The following DLG2 variants were observed in gnomAD, a reference collection of about 807,000 sequenced individuals.
DLG2 encodes the protein disks large homolog 2.
DLG2 carries 45 observed loss-of-function variants against 132.5 expected under a neutral mutation model. That is an observed-to-expected ratio of 0.34 (90% confidence interval 0.27 to 0.44). The LOEUF is 0.44. Among genes scored for constraint, DLG2 ranks in the 20% least tolerant of loss-of-function variants. DLG2 has a pLI of 1.00. For synonymous variants in DLG2, 424 were observed against 419.6 expected, an observed-to-expected ratio of 1.01 and a Z score of -0.13; for missense variants, 1,045 against 1,196.9, an observed-to-expected ratio of 0.87 and a Z score of 1.87.
intron 3 of DLG2, among the ~76,000 whole-genome samples, chr11:85,498,081 A>C (rs1038236673): frequency 6.6e-6 from 1 of 152,242 alleles, no homozygotes; most frequent in Non-Finnish European, 1.5e-5. Context: ...ACATGACATT[A>C]TTAACCTTAA....
intron 3 of DLG2, among the ~76,000 whole-genome samples, chr11:85,416,696 T>C (rs781302276): frequency 3.9e-5 from 6 of 152,190 alleles, no homozygotes; most frequent in Non-Finnish European, 8.8e-5. Context: ...TTTATTCTCT[T>C]TGTGGCAATT....
intron 17 of DLG2, among the ~76,000 whole-genome samples, chr11:83,796,208 T>C (rs1469355267): frequency 6.6e-6 from 1 of 152,212 alleles, no homozygotes; most frequent in African/African-American, 2.4e-5. Flanking sequence ...AATGATCATC[T>C]AACCTCCATG....
intron 16 of DLG2, among the ~76,000 whole-genome samples, chr11:83,856,553 T>C (rs970476335): frequency 1.3e-5 from 2 of 152,186 alleles, no homozygotes; most frequent in South Asian, 2.1e-4. Context: ...TATCTCATTG[T>C]GGTTTTTTGA....
At chr11:84,636,051 T>C (rs1452970597) in intron 6 of DLG2, among the ~76,000 whole-genome samples, 2 of 152,230 alleles carry the variant, frequency 1.3e-5, no homozygotes, top group Non-Finnish European at 2.9e-5. Flanking sequence ...GGAGGAACCA[T>C]GTTGGTGTTT....
chr11:85,066,701 T>C (rs2064974119), intron 6 of DLG2, among the ~76,000 whole-genome samples: 1 of 151,748 alleles, frequency 6.6e-6, no homozygotes, highest in African/African-American at 2.4e-5. Context: ...TATATGATTA[T>C]ATCAACAGAC....
chr11:83,969,965 C>T (rs1264872591), intron 12 of DLG2, among the ~76,000 whole-genome samples: 1 of 151,486 alleles, frequency 6.6e-6, no homozygotes, highest in Non-Finnish European at 1.5e-5. Context: ...CCTAAGGCAG[C>T]TTTTAATACT....
intron 11 of DLG2, among the ~76,000 whole-genome samples, chr11:84,032,103 C>G (rs2095713608): frequency 6.6e-6 from 1 of 152,202 alleles, no homozygotes; most frequent in South Asian, 2.1e-4. Context: ...TACCCTATTC[C>G]CCAAGACCCC....
intron 11 of DLG2, among the ~76,000 whole-genome samples, chr11:84,043,196 TTAAA>T (rs533806061): frequency 3.7e-4 from 56 of 151,444 alleles, no homozygotes; most frequent in South Asian, 8.3e-4. Context: ...CTTAAATAAA[TTAAA>T]TAAATAAATT....
intron 4 of DLG2, among the ~76,000 whole-genome samples, chr11:85,163,234 C>T (rs1382292373): frequency 6.6e-6 from 1 of 151,976 alleles, no homozygotes; most frequent in Non-Finnish European, 1.5e-5. Flanking sequence ...GACACACACA[C>T]ACACACACAC....
At chr11:84,076,409 C>T (rs2096830548) in intron 10 of DLG2, among the ~76,000 whole-genome samples, 1 of 152,188 alleles carries the variant, frequency 6.6e-6, no homozygotes, top group Admixed American at 6.5e-5. Flanking sequence ...AACACTTCAA[C>T]AATATCTTCT....
intron 15 of DLG2, among the ~76,000 whole-genome samples, chr11:83,883,193 CT>C (rs900570755): frequency 7.9e-5 from 12 of 152,106 alleles, no homozygotes; most frequent in African/African-American, 1.7e-4. Flanking sequence ...GTTCCTTCAT[CT>C]TTTTTTTATA....
intron 3 of DLG2, among the ~76,000 whole-genome samples, chr11:85,365,888 A>G (rs2084511926): frequency 1.3e-5 from 2 of 152,154 alleles, no homozygotes; most frequent in African/African-American, 4.8e-5. Flanking sequence ...AACAATGAGA[A>G]CACGTGGACA....
chr11:84,870,715 C>T (rs1434075121), intron 6 of DLG2, among the ~76,000 whole-genome samples: 1 of 152,126 alleles, frequency 6.6e-6, no homozygotes, highest in East Asian at 1.9e-4. Context: ...TATACACATA[C>T]CTTCCCACTT....
intron 7 of DLG2, among the ~76,000 whole-genome samples, chr11:84,425,980 T>C (rs1183266166): frequency 2.0e-5 from 3 of 152,132 alleles, no homozygotes; most frequent in Admixed American, 1.3e-4. Context: ...TGTTTTTTAA[T>C]GGAAGCAGGG....
intron 6 of DLG2, among the ~76,000 whole-genome samples, chr11:84,859,394 A>G (rs147605110): frequency 0.052 from 7,597 of 145,128 alleles, 297 homozygotes; most frequent in Middle Eastern, 0.1. Context: ...GCATACATAT[A>G]TATGTATATA....
At chr11:85,190,112 A>G (rs1330629494) in intron 4 of DLG2, among the ~76,000 whole-genome samples, 1 of 152,266 alleles carries the variant, frequency 6.6e-6, no homozygotes, top group Admixed American at 6.5e-5. Context: ...TCATGAATAA[A>G]TAGTTCAGGT....
At chr11:84,004,806 T>C in intron 11 of DLG2, among the ~76,000 whole-genome samples, 1 of 151,676 alleles carries the variant, frequency 6.6e-6, no homozygotes, top group East Asian at 1.9e-4. Context: ...CATTTCATGC[T>C]CATGGGTTGA....
chr11:84,206,380 T>C (rs1316394261), intron 8 of DLG2, among the ~76,000 whole-genome samples: 1 of 151,842 alleles, frequency 6.6e-6, no homozygotes, highest in East Asian at 1.9e-4. Context: ...AAGGAAAACA[T>C]CCCAAGTCAT....
intron 18 of DLG2, among the ~76,000 whole-genome samples, chr11:83,773,026 C>G (rs999129247): frequency 6.6e-5 from 10 of 152,232 alleles, no homozygotes; most frequent in African/African-American, 2.4e-4. Flanking sequence ...ATTCACTCAT[C>G]AAACAGGTAA....
Sources: allele counts gnomAD v4.1 joint callset (sites outside exome capture counted in the v4.1 genomes callset), GRCh38; gene constraint gnomAD v4.1.1; transcripts MANE v1.5; gene names NCBI Gene and HGNC (gene_info 2026-07-23, HGNC 2026-07-21).